The following FAM219A variants were observed in gnomAD, a reference collection of about 807,000 sequenced individuals.
FAM219A encodes family with sequence similarity 219 member A.
FAM219A carries 7 observed loss-of-function variants against 23.4 expected under a neutral mutation model. The observed-to-expected ratio is 0.30, with a 90% CI of 0.17 to 0.56. The LOEUF (loss-of-function observed/expected upper bound fraction) is 0.56, where lower values mean the gene tolerates loss of function less well. Ranked by LOEUF, FAM219A falls within the 20% of genes least tolerant of loss-of-function variation. FAM219A has a pLI of 0.92. For missense variants in FAM219A, 166 were observed against 246.9 expected (o/e 0.67, Z 2.20); for synonymous variants, 93 against 99.0 (o/e 0.94, Z 0.36).
At chr9:34,422,925 G>A (rs1244866074) in intron 1 of FAM219A, among the ~76,000 whole-genome samples, 3 of 152,160 alleles carry the variant, frequency 2.0e-5, no homozygotes, top group African/African-American at 7.2e-5. Context: ...CAGCACTTTG[G>A]AAGGCCGAAG....
chr9:34,440,489 G>A (rs975823452), intron 1 of FAM219A, among the ~76,000 whole-genome samples: 3 of 152,066 alleles, frequency 2.0e-5, no homozygotes, highest in Non-Finnish European at 4.4e-5. Context: ...GGGCAACACA[G>A]AAATGCCAAA....
intron 1 of FAM219A, among the ~76,000 whole-genome samples, chr9:34,413,605 C>T (rs1346042568): frequency 2.0e-5 from 3 of 152,134 alleles, no homozygotes; most frequent in Non-Finnish European, 4.4e-5. Context: ...AGAAGCAAAG[C>T]GCTCATACCA....
In FAM219A at chr9:34,417,270, C is replaced by T. The variant is rs1159999383; in HGVS notation, c.61-11306G>A. 6.6e-6 allele frequency among the ~76,000 whole-genome samples: 1 copy of T among 152,198 alleles called. No individual in the cohort carries two copies. Among genetic ancestry groups the T allele is most frequent in the Admixed American group, 6.5e-5 (1 of 15,286 alleles). On this transcript the variant is annotated intron_variant, in intron 1 of 5. Transcript: ENST00000651358. This position sits in a 1 kb window ranked among gnomAD's most constrained non-coding sequence, Gnocchi z 4.1. Reference sequence around the variant, plus strand: ...CCATGTTGGCCAAGCTGGTCTCGAACTCCTGGCCTCAAGTGATCCTCCTGC... The same window carrying T: ...CCATGTTGGCCAAGCTGGTCTCGAATTCCTGGCCTCAAGTGATCCTCCTGC...
intron 1 of FAM219A, among the ~76,000 whole-genome samples, chr9:34,416,245 A>T (rs1473004172): frequency 4.4e-5 from 5 of 114,406 alleles, no homozygotes; most frequent in Non-Finnish European, 9.4e-5. Context: ...GAAAGAAAGA[A>T]AGAAAGAAAG....
intron 1 of FAM219A, among the ~76,000 whole-genome samples, chr9:34,440,886 T>C (rs1458329184): frequency 6.6e-6 from 1 of 151,880 alleles, no homozygotes; most frequent in African/African-American, 2.4e-5. Context: ...AGAAATGTTA[T>C]CTTACTATGT....
intron 1 of FAM219A, among the ~76,000 whole-genome samples, chr9:34,407,770 G>A (rs902440464): frequency 6.6e-6 from 1 of 152,236 alleles, no homozygotes; most frequent in Non-Finnish European, 1.5e-5. Context: ...GCTGCTGCCT[G>A]TTCTGCCTTT....
At chr9:34,452,717 T>G (rs1198388309) in intron 1 of FAM219A, among the ~76,000 whole-genome samples, 1 of 152,242 alleles carries the variant, frequency 6.6e-6, no homozygotes, top group Non-Finnish European at 1.5e-5. Flanking sequence ...TGCACTCCTT[T>G]GTTTCTTCTT....
chr9:34,452,306 A>C (rs1823587148), intron 1 of FAM219A, among the ~76,000 whole-genome samples: 1 of 152,182 alleles, frequency 6.6e-6, no homozygotes, highest in South Asian at 2.1e-4. Flanking sequence ...TAGCTTCAGC[A>C]GTAGAGCAAA....
At chr9:34,439,385 G>A (rs545607741) in intron 1 of FAM219A, among the ~76,000 whole-genome samples, 1 of 152,284 alleles carries the variant, frequency 6.6e-6, no homozygotes, top group South Asian at 2.1e-4. Context: ...TCAACCAAAA[G>A]CTATTTAGTG....
At chr9:34,406,803 CTTT>C (rs34985382) in intron 1 of FAM219A, among the ~76,000 whole-genome samples, 18 of 127,504 alleles carry the variant, frequency 1.4e-4, no homozygotes, top group Admixed American at 1.6e-4. Context: ...TGTCCAGAGT[CTTT>C]TTTTTTTTTT....
intron 1 of FAM219A, among the ~76,000 whole-genome samples, chr9:34,428,143 A>G (rs1178726733): frequency 6.6e-6 from 1 of 152,196 alleles, no homozygotes; most frequent in African/African-American, 2.4e-5. Context: ...GGGAGATAGG[A>G]GTGGGGCTGT....
rs1823793580 is a variant in FAM219A at position 34,457,579 on chromosome 9, A to T, written c.60+625T>A. On this transcript the variant is annotated intron_variant, in intron 1 of 5. Coordinates refer to ENST00000651358, the MANE Select transcript of FAM219A (RefSeq NM_001184940.2). The surrounding 1 kb of genome is among the most constrained non-coding windows in gnomAD (Gnocchi z 5.1). ...ACTCTCATCTGCACCCCGATTCCCC[A>T]TCTGGTCGCCGCGCACTCTCCTTCC... is the stretch of plus-strand genomic sequence containing the variant. 1 of 152,406 alleles carries T rather than the reference A, an allele frequency of 6.6e-6. No homozygotes were observed. The highest frequency in any genetic ancestry group is 1.9e-4 in the East Asian group (1 of 5,172). 9.4% of individuals were successfully genotyped at this position (152,406 alleles called of 1,614,324 possible).
intron 1 of FAM219A, among the ~76,000 whole-genome samples, chr9:34,424,443 T>TGGGAAAGGGGTGGGCTGA: frequency 6.6e-6 from 1 of 150,998 alleles, no homozygotes; most frequent in African/African-American, 2.4e-5. Flanking sequence ...TTAGGAAGTG[T>TGGGAAAGGGGTGGGCTGA]GGGCAAGGGG....
chr9:34,398,535 C>G lies in FAM219A; in HGVS notation c.*2429G>C. ...TTCCTGCCTCTCTCTGCCACACATG[C>G]ACTGCCTCAGTTGGAAGCCCTTGCC... is the stretch of plus-strand genomic sequence containing the variant. On this transcript the variant is annotated 3_prime_UTR_variant, in exon 6 of 6. Coordinates refer to ENST00000651358, the MANE Select transcript of FAM219A (RefSeq NM_001184940.2). 1 of 677,118 alleles carries G rather than the reference C, an allele frequency of 1.5e-6. No individual in the cohort carries two copies. The highest frequency in any genetic ancestry group is 2.5e-6 in the Non-Finnish European group (1 of 401,286). The allele number at this position is 677,118 out of a possible 1,614,324, so 41.9% of individuals were successfully genotyped here. A position where few individuals can be genotyped will look rare whatever the true frequency, so the allele number is the denominator to read the frequency against.
chr9:34,427,843 T>C (rs1347934962), intron 1 of FAM219A, among the ~76,000 whole-genome samples: 1 of 152,180 alleles, frequency 6.6e-6, no homozygotes, highest in Non-Finnish European at 1.5e-5. Context: ...ACAGCCAAAG[T>C]AGGAGTCCCC....
chr9:34,406,803 CTT>C (rs34985382), intron 1 of FAM219A, among the ~76,000 whole-genome samples: 164 of 127,482 alleles, frequency 1.3e-3, no homozygotes, highest in Admixed American at 2.2e-3. Context: ...TGTCCAGAGT[CTT>C]TTTTTTTTTT....
intron 1 of FAM219A, 148 bp from the exon 2 acceptor site, chr9:34,406,112 G>T: frequency 1.1e-6 from 1 of 949,530 alleles, no homozygotes; most frequent in Non-Finnish European, 1.5e-6. Context: ...GGGAGAGAGG[G>T]GCAGACCCAT....
chr9:34,402,384 C>T lies in FAM219A; in HGVS notation c.344+3G>A, dbSNP rs1821477891. ...CCAGCTACCCCCAAGCCCCCATACACACCTGTCCGTGTCAAGGGCTACCAG... is the reference window on the plus strand; with the variant it reads ...CCAGCTACCCCCAAGCCCCCATACATACCTGTCCGTGTCAAGGGCTACCAG... On this transcript the variant is annotated splice_donor_region_variant and intron_variant, in intron 4 of 5. Coordinates refer to ENST00000651358, the MANE Select transcript of FAM219A (RefSeq NM_001184940.2). 1.9e-6 allele frequency: 3 copies of T among 1,614,124 alleles called. No homozygotes were observed. The highest frequency in any genetic ancestry group is 2.2e-5 in the South Asian group (2 of 91,088).
intron 5 of FAM219A, 83 bp downstream of exon 5, chr9:34,401,583 C>T (rs2131921766): frequency 6.7e-7 from 1 of 1,484,522 alleles, no homozygotes; most frequent in Middle Eastern, 2.3e-4. Context: ...TTTCCTTGTA[C>T]TTGGGCATTG....
Sources: gnomAD v4.1 joint callset for allele counts (sites outside exome capture counted in the v4.1 genomes callset) on GRCh38, gnomAD v4.1.1 for gene constraint, Gnocchi (gnomAD v3.1) non-coding constraint, MANE v1.5 for transcripts, NCBI Gene and HGNC (gene_info 2026-07-23, HGNC 2026-07-21) for gene names.